DOCK9: variants seen among roughly 807,000 people sequenced by gnomAD.
DOCK9 encodes dedicator of cytokinesis 9, also known as dedicator of cytokinesis protein 9.
DOCK9 carries 89 observed loss-of-function variants against 263.3 expected under a neutral mutation model. The observed-to-expected ratio is 0.34, with a 90% CI of 0.28 to 0.40. The LOEUF is 0.40. DOCK9 is among the 10% of genes least tolerant of loss of function. The pLI is 1.00. For synonymous variants in DOCK9, 976 were observed against 973.1 expected (o/e 1.00, Z -0.06); for missense variants, 2,140 against 2,603.4 (o/e 0.82, Z 3.87).
intron 43 of DOCK9, among the ~76,000 whole-genome samples, chr13:98,827,119 C>CT (rs1429013334): frequency 6.6e-6 from 1 of 152,124 alleles, no homozygotes. Flanking sequence ...TTTGCTAAGG[C>CT]TTTTTTCTAT....
At chr13:98,809,667 A>G (rs1318233114) in intron 46 of DOCK9, among the ~76,000 whole-genome samples, 2 of 152,226 alleles carry the variant, frequency 1.3e-5, no homozygotes, top group Non-Finnish European at 2.9e-5. Context: ...GTGAGGACCC[A>G]TCACATTTCC....
Position 98,977,884 on chromosome 13 carries a change from C to T in DOCK9, c.26G>A (p.Ser9Asn). ...CAGTTCCTTTTTGACACTTCTACTACTTGTCCTGCATTTATCAGCCTGCAT... is the reference window on the plus strand; with the variant it reads ...CAGTTCCTTTTTGACACTTCTACTATTTGTCCTGCATTTATCAGCCTGCAT... MQADKCRT[S>N]SRSVKKELVI... The change falls in exon 1 of 53, where the codon AGT (serine) becomes AAT (asparagine). Residue 9 changes from serine (S) to asparagine (N), a missense_variant. This residue lies in a region of DOCK9 where 1,521 missense variants were observed against 1,741.7 expected (regional missense o/e 0.87). Transcript: ENST00000682017. 3 of 1,598,496 alleles carry T rather than the reference C, an allele frequency of 1.9e-6. No homozygotes were observed. Among genetic ancestry groups the T allele is most frequent in the South Asian group, 2.3e-5 (2 of 88,462 alleles).
intron 45 of DOCK9, among the ~76,000 whole-genome samples, chr13:98,822,713 G>A (rs1253693839): frequency 2.0e-5 from 3 of 152,102 alleles, no homozygotes; most frequent in African/African-American, 7.2e-5. Context: ...ATCCACCCAG[G>A]CCTTTCAAGG....
chr13:98,913,030 G>A (rs553438911), intron 9 of DOCK9, among the ~76,000 whole-genome samples: 5 of 152,282 alleles, frequency 3.3e-5, no homozygotes, highest in African/African-American at 1.2e-4. Flanking sequence ...GGTTTACAAT[G>A]GTGGCACTAA....
chr13:98,850,159 A>G, intron 35 of DOCK9, 46 bp from the exon 36 acceptor site: 1 of 1,274,890 alleles, frequency 7.8e-7, no homozygotes, highest in Non-Finnish European at 1.1e-6. Flanking sequence ...TATGATATAC[A>G]TTATGGAGAA....
intron 45 of DOCK9, chr13:98,820,815 C>A (rs2092228586): frequency 4.3e-6 from 1 of 230,928 alleles, no homozygotes; most frequent in Non-Finnish European, 8.7e-6. Context: ...CCATAAACAT[C>A]TAGAGGCTCA....
intron 52 of DOCK9, among the ~76,000 whole-genome samples, chr13:98,795,187 T>A (rs1410861862): frequency 1.3e-5 from 2 of 152,218 alleles, no homozygotes; most frequent in African/African-American, 4.8e-5. Context: ...TGAGGTCTAC[T>A]TACATGTGCT....
chr13:99,006,200 T>C (rs1235935041), intron 1 of DOCK9, among the ~76,000 whole-genome samples: 1 of 152,198 alleles, frequency 6.6e-6, no homozygotes, highest in Non-Finnish European at 1.5e-5. Context: ...CTTTTGTTTC[T>C]CAAACTGGCA....
chr13:98,915,012 A>G (rs2050658200), intron 8 of DOCK9, among the ~76,000 whole-genome samples: 1 of 152,178 alleles, frequency 6.6e-6, no homozygotes, highest in Non-Finnish European at 1.5e-5. Flanking sequence ...AGGTGAGTCA[A>G]CTGAGGCTCA....
rs986225576 is a variant in DOCK9, at chr13:99,081,380, C to T, written c.129+4843G>A. On this transcript the variant is annotated intron_variant, in intron 1 of 32. Transcript: ENST00000427887. ...TCTGCCCTCCTTCAGTAATACCAAG[C>T]GAAATTTAGCAACGACCTGACTTGG... Among the ~76,000 whole-genome samples the T allele has an allele frequency of 4.6e-5, 7 of 152,250 alleles. No homozygotes were observed. In the South Asian group the frequency reaches 8.3e-4, roughly 18 times the overall value.
At chr13:98,956,512 C>T (rs561649857) in intron 1 of DOCK9, among the ~76,000 whole-genome samples, 4 of 152,218 alleles carry the variant, frequency 2.6e-5, no homozygotes, top group Admixed American at 6.5e-5. Context: ...CTTTGAGGGC[C>T]GAGATGGGTG....
intron 1 of DOCK9, among the ~76,000 whole-genome samples, chr13:99,073,374 T>TCTCTCTCTCTC (rs1243788186): frequency 7.3e-5 from 11 of 151,456 alleles, no homozygotes; most frequent in East Asian, 1.9e-4. Context: ...CTCTCTCCTC[T>TCTCTCTCTCTC]CTCTCTCTCT....
intron 36 of DOCK9, among the ~76,000 whole-genome samples, chr13:98,848,896 G>A (rs984009665): frequency 1.3e-5 from 2 of 152,072 alleles, no homozygotes; most frequent in African/African-American, 2.4e-5. Context: ...GCAACACAGC[G>A]CAGAGGCCCA....
chr13:98,969,432 T>G (rs2059511397), intron 1 of DOCK9, among the ~76,000 whole-genome samples: 1 of 148,912 alleles, frequency 6.7e-6, no homozygotes, highest in Non-Finnish European at 1.5e-5. Context: ...CCCCAAAGAG[T>G]CACCAGGACC....
Position 98,810,261 on chromosome 13 carries a change from C to A in DOCK9, c.5161G>T (p.Ala1721Ser), listed in dbSNP as rs368023321. ...CGCTCGGCTTTCCAGAGTCCATCTGCGCACTGCTCAAGGAGCTCCATCAGC... is the reference window on the plus strand; with the variant it reads ...CGCTCGGCTTTCCAGAGTCCATCTGAGCACTGCTCAAGGAGCTCCATCAGC... ...DVLMELLEQC[A>S]DGLWKAERYE... The change falls in exon 46 of 53, where the codon GCA becomes TCA. Residue 1721 changes from alanine to serine, a missense_variant. Ala to Ser is a moderately conservative substitution (Grantham distance 99). This residue lies in a region of DOCK9 where 619 missense variants were observed against 861.8 expected (regional missense o/e 0.72). Transcript: ENST00000682017. The A allele has an allele frequency of 6.2e-6, 10 of 1,613,622 alleles. No individual in the cohort carries two copies. Among genetic ancestry groups the A allele is most frequent in the African/African-American group, 1.3e-5 (1 of 74,922 alleles).
At chr13:98,800,522 C>T (rs1280133709) in intron 49 of DOCK9, 44 bp from the exon 50 acceptor site, 2 of 1,592,364 alleles carry the variant, frequency 1.3e-6, no homozygotes, top group Non-Finnish European at 1.7e-6. Context: ...CTTGCACGAG[C>T]TTTAGTGTTA....
chr13:98,995,249 T>C (rs1401379143), intron 1 of DOCK9, among the ~76,000 whole-genome samples: 1 of 152,120 alleles, frequency 6.6e-6, no homozygotes, highest in Admixed American at 6.6e-5. Context: ...TCGTGTGAAG[T>C]AAAAACATTA....
intron 32 of DOCK9, 47 bp downstream of exon 32, chr13:98,862,972 C>A (rs1286042924): frequency 7.9e-6 from 12 of 1,511,920 alleles, no homozygotes; most frequent in Non-Finnish European, 9.9e-6. Context: ...GTCCTGGCTT[C>A]CCCGGGACCT....
intron 1 of DOCK9, among the ~76,000 whole-genome samples, chr13:99,041,595 T>TA (rs1202082645): frequency 1.3e-5 from 2 of 152,172 alleles, no homozygotes; most frequent in Non-Finnish European, 2.9e-5. Flanking sequence ...GTACACTTCC[T>TA]ACTCATCAGG....
Sources: gnomAD v4.1 joint callset for allele counts (sites outside exome capture counted in the v4.1 genomes callset) on GRCh38, gnomAD v4.1.1 for gene constraint, gnomAD v4.1.1 regional missense constraint, MANE v1.5 for transcripts, NCBI Gene and HGNC (gene_info 2026-07-23, HGNC 2026-07-21) for gene names.